The following ANO1 variants were observed in gnomAD, a reference collection of about 807,000 sequenced individuals.
ANO1 encodes the protein anoctamin 1, also known as anoctamin-1.
A neutral mutation model predicts 124.0 loss-of-function variants in ANO1; 59 were observed. The ratio of observed to expected loss-of-function variants is 0.48; its 90% confidence interval spans 0.39 to 0.59. The LOEUF is 0.59. Among genes scored for constraint, ANO1 ranks in the 20% least tolerant of loss-of-function variants. ANO1 has a pLI of 0.00. For missense variants in ANO1, 1,059 were observed against 1,328.0 expected, an observed-to-expected ratio of 0.80 and a Z score of 3.15; for synonymous variants, 529 against 532.0, an observed-to-expected ratio of 0.99 and a Z score of 0.08.
intron 1 of ANO1, among the ~76,000 whole-genome samples, chr11:70,000,829 C>T (rs1554999147): frequency 1.3e-5 from 2 of 152,076 alleles, no homozygotes; most frequent in Admixed American, 1.3e-4. Context: ...TCTACAGCAA[C>T]AGGAGGAACA....
chr11:70,007,569 C>T lies in ANO1; in HGVS notation c.58+21403C>T, dbSNP rs577569473. On this transcript the variant is annotated intron_variant, in intron 1 of 27. Coordinates refer to the ANO1 transcript ENST00000531349. ...TGCTGGGATTACAGGCGTGAGCCACCGCGCCCGGCCACCTCCTTTCTTTTT... is the reference window on the plus strand; with the variant it reads ...TGCTGGGATTACAGGCGTGAGCCACTGCGCCCGGCCACCTCCTTTCTTTTT... Among the ~76,000 whole-genome samples, 12 of 152,294 alleles carry T rather than the reference C, an allele frequency of 7.9e-5. No homozygotes were observed. The East Asian group carries it at 1.2e-3, about 15-fold the overall frequency.
intron 1 of ANO1, among the ~76,000 whole-genome samples, chr11:70,031,157 C>T (rs1856994596): frequency 6.6e-6 from 1 of 152,156 alleles, no homozygotes; most frequent in South Asian, 2.1e-4. Context: ...GTTGCCCAGG[C>T]TGGTGTCGAA....
intron 1 of ANO1, among the ~76,000 whole-genome samples, chr11:70,011,761 AGTGTTGAC>A (rs150185907): frequency 0.044 from 6,719 of 152,234 alleles, 483 homozygotes; most frequent in African/African-American, 0.15. Flanking sequence ...CAGAGTGCTG[AGTGTTGAC>A]TCATTCTTGC....
At chr11:70,034,852 G>T (rs1857066662) in intron 1 of ANO1, among the ~76,000 whole-genome samples, 1 of 152,154 alleles carries the variant, frequency 6.6e-6, no homozygotes, top group South Asian at 2.1e-4. Flanking sequence ...CACAGGGGCA[G>T]CCAGAGGCAG....
intron 7 of ANO1, among the ~76,000 whole-genome samples, 166 bp from the exon 8 acceptor site, chr11:70,116,292 G>A (rs1353705728): frequency 6.6e-6 from 1 of 152,190 alleles, no homozygotes; most frequent in African/African-American, 2.4e-5. Context: ...TCATAACGGG[G>A]GCACACCTGG....
chr11:70,005,844 T>A (rs1333096557), intron 1 of ANO1, among the ~76,000 whole-genome samples: 2 of 152,224 alleles, frequency 1.3e-5, no homozygotes, highest in Non-Finnish European at 2.9e-5. Context: ...TGTCTGGGGA[T>A]GGATTCTGAT....
chr11:70,016,230 G>A (rs1207859265), intron 1 of ANO1, among the ~76,000 whole-genome samples: 1 of 152,074 alleles, frequency 6.6e-6, no homozygotes, highest in African/African-American at 2.4e-5. Context: ...GTTTCACTAT[G>A]TTGGCCAGGC....
At chr11:70,010,179 G>GTATATATATATATATATATATATA (rs71926266) in intron 1 of ANO1, among the ~76,000 whole-genome samples, 88 of 83,772 alleles carry the variant, frequency 1.1e-3, no homozygotes, top group Middle Eastern at 5.2e-3. Context: ...GTGTGTGTGT[G>GTATATATATATATATATATATATA]TATATATATA....
At chr11:70,102,417 A>G (rs1418699880) in intron 2 of ANO1, among the ~76,000 whole-genome samples, 1 of 152,168 alleles carries the variant, frequency 6.6e-6, no homozygotes, top group East Asian at 1.9e-4. Context: ...AGGACCAGAG[A>G]GAGGTGACTT....
At chr11:70,091,786 G>A (rs1345363808) in intron 2 of ANO1, among the ~76,000 whole-genome samples, 1 of 152,168 alleles carries the variant, frequency 6.6e-6, no homozygotes, top group African/African-American at 2.4e-5. Flanking sequence ...AGTGTGCTGC[G>A]AGCCCCACAC....
intron 1 of ANO1, among the ~76,000 whole-genome samples, chr11:70,001,178 C>T (rs1423075061): frequency 6.6e-6 from 1 of 152,230 alleles, no homozygotes; most frequent in African/African-American, 2.4e-5. Flanking sequence ...GCCACCTGCT[C>T]CTCACATACA....
chr11:70,150,135 G>C (rs917618233), intron 12 of ANO1, among the ~76,000 whole-genome samples: 1 of 152,168 alleles, frequency 6.6e-6, no homozygotes, highest in Non-Finnish European at 1.5e-5. Flanking sequence ...GGCACCACCC[G>C]TGGGGGTGGA....
In ANO1 at chr11:69,996,433, T is replaced by C. The variant is rs1554998355; in HGVS notation, c.58+10267T>C. On this transcript the variant is annotated intron_variant, in intron 1 of 27. Coordinates refer to the ANO1 transcript ENST00000531349. ...TGTGCCCTGACTTCTACTGACCACCTCATGATACCCACAGAGGCTCTCCAA... is the reference window on the plus strand; with the variant it reads ...TGTGCCCTGACTTCTACTGACCACCCCATGATACCCACAGAGGCTCTCCAA... 2.0e-5 allele frequency among the ~76,000 whole-genome samples: 3 copies of C among 152,226 alleles called. No homozygotes were observed. In the South Asian group the frequency reaches 6.2e-4, roughly 31 times the overall value.
At chr11:70,128,296 T>C (rs943468849) in intron 10 of ANO1, among the ~76,000 whole-genome samples, 2 of 152,092 alleles carry the variant, frequency 1.3e-5, no homozygotes, top group African/African-American at 2.4e-5. Flanking sequence ...TTGGGTTTGG[T>C]TGTGGTAAAG....
intron 1 of ANO1, among the ~76,000 whole-genome samples, chr11:70,035,303 C>G (rs1857075604): frequency 6.6e-6 from 1 of 152,186 alleles, no homozygotes; most frequent in South Asian, 2.1e-4. Context: ...TGGGAGAAGA[C>G]TCAGCAGCTG....
At chr11:69,986,999 G>A (rs1554996938) in intron 1 of ANO1, among the ~76,000 whole-genome samples, 1 of 152,160 alleles carries the variant, frequency 6.6e-6, no homozygotes, top group African/African-American at 2.4e-5. Flanking sequence ...TATAGCATGG[G>A]AAGCCCTCCT....
intron 12 of ANO1, 92 bp from the exon 13 acceptor site, chr11:70,152,353 AAAAAG>A: frequency 9.5e-7 from 1 of 1,052,872 alleles, no homozygotes; most frequent in Non-Finnish European, 1.4e-6. Context: ...AAAAAAAAAA[AAAAAG>A]TTGTCCTTAG....
intron 1 of ANO1, among the ~76,000 whole-genome samples, chr11:70,009,542 T>G (rs1856552270): frequency 6.6e-6 from 1 of 152,188 alleles, no homozygotes; most frequent in Non-Finnish European, 1.5e-5. Context: ...GAGAAGCTTT[T>G]TGAAAAGGCC....
the ANO1 span, among the ~76,000 whole-genome samples, chr11:69,969,476 G>A: frequency 6.6e-6 from 1 of 152,220 alleles, no homozygotes; most frequent in Non-Finnish European, 1.5e-5. Flanking sequence ...GATGTTCACG[G>A]TCTGACGCTG....
Sources: gnomAD v4.1 joint callset for allele counts (sites outside exome capture counted in the v4.1 genomes callset) on GRCh38, gnomAD v4.1.1 for gene constraint, MANE v1.5 for transcripts, NCBI Gene and HGNC (gene_info 2026-07-23, HGNC 2026-07-21) for gene names.